LGI1: variants seen among roughly 807,000 people sequenced by gnomAD.
LGI1 encodes leucine rich glioma inactivated 1, also known as leucine-rich glioma-inactivated protein 1.
A neutral mutation model predicts 57.7 loss-of-function variants in LGI1; 11 were observed. The observed-to-expected ratio is 0.19, with a 90% confidence interval of 0.12 to 0.32. The LOEUF (loss-of-function observed/expected upper bound fraction) is 0.32. Among genes scored for constraint, LGI1 ranks in the 10% least tolerant of loss-of-function variants. The pLI is 1.00. For synonymous variants in LGI1, 222 were observed against 241.9 expected (o/e 0.92, Z 0.76); for missense variants, 422 against 661.9 (o/e 0.64, Z 3.98).
chr10:93,794,362 CTTT>C (rs71031540), intron 7 of LGI1, among the ~76,000 whole-genome samples: 2 of 101,190 alleles, frequency 2.0e-5, no homozygotes, highest in East Asian at 2.9e-4. Context: ...CTGGATCTCT[CTTT>C]TTTTTTTTTT....
rs2059594107 is a variant in LGI1 at position 93,758,895 on chromosome 10, A to T, written c.287+64A>T. The T allele has an allele frequency of 8.1e-6, 9 of 1,111,350 alleles. No homozygotes were observed. The South Asian group carries it at 1.1e-4, about 14-fold the overall frequency. 68.8% of individuals were successfully genotyped at this position (1,111,350 alleles called of 1,614,324 possible). On this transcript the variant is annotated intron_variant, in intron 2 of 7. Transcript: ENST00000371418. This position sits in a 1 kb window ranked among gnomAD's most constrained non-coding sequence, Gnocchi z 4.7. Reference sequence around the variant, plus strand: ...ATATATTTGGATAAGCCTTCTAGTAAAATGATCTCAATATTAATTTTGTCA... The same window carrying T: ...ATATATTTGGATAAGCCTTCTAGTATAATGATCTCAATATTAATTTTGTCA...
At position 93,758,392 on chromosome 10, in the gene LGI1, A is replaced by G; in HGVS notation, c.215+33A>G. The G allele has an allele frequency of 6.3e-7, 1 of 1,596,850 alleles. No individual in the cohort carries two copies. The highest frequency in any genetic ancestry group is 2.2e-5 in the East Asian group (1 of 44,778). ...CCGTAAGCATTTTGATATCTAATTT[A>G]CGATTTAAAAATTCCAGCCGGTGGA... On this transcript the variant is annotated intron_variant, in intron 1 of 7. Coordinates refer to ENST00000371418, the MANE Select transcript of LGI1 (RefSeq NM_005097.4). This position sits in a 1 kb window ranked among gnomAD's most constrained non-coding sequence, Gnocchi z 4.7.
intron 7 of LGI1, among the ~76,000 whole-genome samples, chr10:93,796,558 T>C (rs527414078): frequency 2.6e-5 from 4 of 152,336 alleles, no homozygotes; most frequent in Admixed American, 2.6e-4. Flanking sequence ...CTTAAGATTG[T>C]TGGGAAAATT....
chr10:93,795,812 A>G (rs111388306), intron 7 of LGI1, among the ~76,000 whole-genome samples: 211 of 152,374 alleles, frequency 1.4e-3, no homozygotes, highest in African/African-American at 5.0e-3. Flanking sequence ...TGTACAGAAA[A>G]GAAAACTGAG....
chr10:93,777,013 A>T (rs1589761653), intron 2 of LGI1: 1 of 309,386 alleles, frequency 3.2e-6, no homozygotes, highest in African/African-American at 2.2e-5. Context: ...CAGTTAGAAC[A>T]CTCCAGAGGT....
chr10:93,758,453 A>G lies in LGI1; in HGVS notation c.215+94A>G, dbSNP rs1021842103. 6 of 1,201,610 alleles carry G rather than the reference A, an allele frequency of 5.0e-6. No homozygotes were observed. Among genetic ancestry groups the G allele is most frequent in the Non-Finnish European group, 3.7e-6 (3 of 813,986 alleles). The allele number at this position is 1,201,610 out of a possible 1,614,324, so 74.4% of individuals were successfully genotyped here. On this transcript the variant is annotated intron_variant, in intron 1 of 7. Coordinates refer to ENST00000371418, the MANE Select transcript of LGI1 (RefSeq NM_005097.4). The surrounding 1 kb of genome is among the most constrained non-coding windows in gnomAD (Gnocchi z 4.7). Reference sequence around the variant, plus strand: ...TGCATGTATTTGTAGAAGGGCATGGAGAGAGAGATTCCTCTTGCATGCTTG... The same window carrying G: ...TGCATGTATTTGTAGAAGGGCATGGGGAGAGAGATTCCTCTTGCATGCTTG...
In LGI1 at chr10:93,758,676, G is replaced by T; in HGVS notation, c.216-84G>T. On this transcript the variant is annotated intron_variant, in intron 1 of 7. Transcript: ENST00000371418. The surrounding 1 kb of genome is among the most constrained non-coding windows in gnomAD (Gnocchi z 4.7). ...AAAATAGTCACTGTTATGCTAAACC[G>T]GATTAACATAAGGTTTGTTCTGTGT... 1 of 954,936 alleles carries T rather than the reference G, an allele frequency of 1.0e-6. No homozygotes were observed. The highest frequency in any genetic ancestry group is 1.3e-5 in the South Asian group (1 of 75,474). 59.2% of individuals were successfully genotyped at this position (954,936 alleles called of 1,614,324 possible).
In LGI1 at chr10:93,758,762, C is replaced by G; in HGVS notation, c.218C>G (p.Ser73Cys). 1 of 1,610,320 alleles carries G rather than the reference C, an allele frequency of 6.2e-7. No homozygotes were observed. Among genetic ancestry groups the G allele is most frequent in the Non-Finnish European group, 8.5e-7 (1 of 1,177,200 alleles). ...RTVPPDVISL[S>C]FVRSGFTEIS... ...TTCTCTTTTTTGTTTTCTTTCAGAT[C>G]CTTTGTGAGATCTGGTTTTACTGAA... The change falls in exon 2 of 8, where the codon TCC becomes TGC. Residue 73 changes from serine to cysteine, a missense_variant and splice_region_variant. Physicochemically the swap from Ser to Cys is moderately radical, Grantham distance 112. Around this residue, in one of 3 missense-constraint regions of LGI1, gnomAD observed 63 missense variants for 138.4 expected, o/e 0.46. Transcript: ENST00000371418. This position sits in a 1 kb window ranked among gnomAD's most constrained non-coding sequence, Gnocchi z 4.7.
Position 93,758,236 on chromosome 10 carries a change from T to C in LGI1, c.92T>C (p.Leu31Pro). ...YFLCLLSALL[L>P]TEGKKPAKPK... is the part of the protein sequence containing the mutation. ...CTATGTCTCTTATCTGCGCTTTTGC[T>C]GACTGAGGGGAAGAAACCAGCGAAG... The change falls in exon 1 of 8, where the codon CTG becomes CCG. Residue 31 changes from leucine (L) to proline (P), a missense_variant. Physicochemically the swap from Leu to Pro is moderately conservative, Grantham distance 98. Coordinates refer to ENST00000371418, the MANE Select transcript of LGI1 (RefSeq NM_005097.4). This position sits in a 1 kb window ranked among gnomAD's most constrained non-coding sequence, Gnocchi z 4.7. The C allele has an allele frequency of 6.2e-7, 1 of 1,614,188 alleles. No homozygotes were observed. Among genetic ancestry groups the C allele is most frequent in the Non-Finnish European group, 8.5e-7 (1 of 1,180,028 alleles).
At chr10:93,789,054 T>C (rs900199756) in intron 4 of LGI1, 1 of 152,230 alleles carries the variant, frequency 6.6e-6, no homozygotes, top group African/African-American at 2.4e-5. Context: ...ATTTGTGTAC[T>C]AGGGACACAT....
chr10:93,765,806 TAAAA>T (rs1007436616), intron 2 of LGI1: 33 of 151,948 alleles, frequency 2.2e-4, no homozygotes, highest in African/African-American at 8.0e-4. Flanking sequence ...CCGTCTCTAC[TAAAA>T]ATACACAAAA....
At chr10:93,788,782 C>T (rs1217414715) in intron 4 of LGI1, 1 of 152,048 alleles carries the variant, frequency 6.6e-6, no homozygotes, top group East Asian at 1.9e-4. Flanking sequence ...ACTTGAGAAA[C>T]CTTATATTTA....
Position 93,792,921 on chromosome 10 carries a change from C to G in LGI1, c.673+9C>G. 6.2e-7 allele frequency: 1 copy of G among 1,611,798 alleles called. No homozygotes were observed. Among genetic ancestry groups the G allele is most frequent in the South Asian group, 1.1e-5 (1 of 91,026 alleles). On this transcript the variant is annotated intron_variant, in intron 6 of 7. Transcript: ENST00000371418. ...TGATTGCATCATTACAGGTAATGTACTCATCATCATTCCACCTCAAAAAAT... is the reference window on the plus strand; with the variant it reads ...TGATTGCATCATTACAGGTAATGTAGTCATCATCATTCCACCTCAAAAAAT...
At chr10:93,794,890 C>A (rs1020219385) in intron 7 of LGI1, 1 of 152,100 alleles carries the variant, frequency 6.6e-6, no homozygotes, top group Non-Finnish European at 1.5e-5. Context: ...ACCCTCATTG[C>A]TCAAAGGACC....
intron 2 of LGI1, chr10:93,765,649 A>G (rs74150341): frequency 6.7e-4 from 102 of 152,332 alleles, no homozygotes; most frequent in African/African-American, 2.4e-3. Context: ...TTACGTTAAT[A>G]TAATATAGAA....
intron 4 of LGI1, among the ~76,000 whole-genome samples, chr10:93,787,150 C>G (rs1288027658): frequency 6.6e-6 from 1 of 152,114 alleles, no homozygotes; most frequent in African/African-American, 2.4e-5. Flanking sequence ...CTTCTCATGC[C>G]CATCACTCAC....
chr10:93,790,466 T>C (rs2059927977), intron 5 of LGI1: 1 of 338,336 alleles, frequency 3.0e-6, no homozygotes, highest in Non-Finnish European at 5.3e-6. Context: ...GAGACCCGGC[T>C]AGAAATTTCA....
intron 4 of LGI1, among the ~76,000 whole-genome samples, chr10:93,786,922 C>T (rs1373226404): frequency 2.6e-5 from 4 of 152,180 alleles, no homozygotes; most frequent in Non-Finnish European, 4.4e-5. Context: ...CAGAGTAATT[C>T]TCAGGCTCTG....
chr10:93,762,698 A>C (rs1301306453), intron 2 of LGI1: 1 of 152,162 alleles, frequency 6.6e-6, no homozygotes, highest in Admixed American at 6.5e-5. Context: ...TTTTGTCTAC[A>C]GTTTGCCCAA....
Sources: gnomAD v4.1 joint callset for allele counts (sites outside exome capture counted in the v4.1 genomes callset) on GRCh38, gnomAD v4.1.1 for gene constraint, gnomAD v4.1.1 regional missense constraint, Gnocchi (gnomAD v3.1) non-coding constraint, MANE v1.5 for transcripts, NCBI Gene and HGNC (gene_info 2026-07-23, HGNC 2026-07-21) for gene names.